PER3: variants seen among roughly 807,000 people sequenced by gnomAD.
The protein encoded by PER3 is period circadian regulator 3.
In PER3, 107 loss-of-function variants were observed where a neutral mutation model predicts 127.2. The observed-to-expected ratio is 0.84, with a 90% CI of 0.72 to 0.99. PER3 has a LOEUF of 0.99. PER3 is among the 50% of genes least tolerant of loss of function. PER3 has a pLI of 0.00. For synonymous variants in PER3, 618 were observed against 585.8 expected (o/e 1.05, Z -0.79); for missense variants, 1,560 against 1,525.8 (o/e 1.02, Z -0.37).
At chr1:7,795,716 G>A (rs1158774677) in intron 6 of PER3, among the ~76,000 whole-genome samples, 4 of 152,222 alleles carry the variant, frequency 2.6e-5, no homozygotes, top group African/African-American at 4.8e-5. Context: ...ACTTCTGCAC[G>A]AAGTGTTTTA....
At chr1:7,806,812 A>ATATATATATATATATAT (rs1553309916) in intron 10 of PER3, among the ~76,000 whole-genome samples, 2 of 60,630 alleles carry the variant, frequency 3.3e-5, no homozygotes, top group African/African-American at 6.8e-5. Context: ...AAAAAAAAAA[A>ATATATATATATATATAT]ATATATATAT....
chr1:7,806,795 TAAAAAA>T (rs71567316), intron 10 of PER3, among the ~76,000 whole-genome samples: 2 of 91,904 alleles, frequency 2.2e-5, no homozygotes, highest in African/African-American at 8.9e-5. Flanking sequence ...CCCTGTCTCT[TAAAAAA>T]AAAAAAAAAA....
rs753152231 is a variant in PER3 at position 7,843,910 on chromosome 1, A to AT, written c.*1157dup. On this transcript the variant is annotated 3_prime_UTR_variant, in exon 22 of 22. Transcript: ENST00000377532. ...CTGGTGCTTTTTAGAGAAGTCCCTG[A>AT]TTCCTTCTTAAACTTGGAATGATAG... 1.8e-5 allele frequency: 23 copies of AT among 1,276,174 alleles called. No homozygotes were observed. In the African/African-American group the frequency reaches 3.3e-4, roughly 18 times the overall value. The allele number at this position is 1,276,174 out of a possible 1,614,324, so 79.1% of individuals were successfully genotyped here.
intron 10 of PER3, among the ~76,000 whole-genome samples, chr1:7,805,017 C>T (rs1017907854): frequency 6.6e-6 from 1 of 151,918 alleles, no homozygotes; most frequent in Non-Finnish European, 1.5e-5. Flanking sequence ...TACAGGTGCA[C>T]GCCACCACAC....
At chr1:7,794,317 A>C (rs1263148524) in intron 6 of PER3, among the ~76,000 whole-genome samples, 5 of 152,070 alleles carry the variant, frequency 3.3e-5, no homozygotes, top group Non-Finnish European at 7.4e-5. Context: ...ACATGGTGAA[A>C]CGGCGTTTCT....
intron 13 of PER3, among the ~76,000 whole-genome samples, chr1:7,814,961 A>G (rs2097240499): frequency 6.6e-6 from 1 of 152,176 alleles, no homozygotes; most frequent in South Asian, 2.1e-4. Flanking sequence ...GAGGAGGTAA[A>G]ATGGAATTTA....
rs916787821 is a variant in PER3, at chr1:7,800,538, A to AT, written c.794-574dup. Reference sequence around the variant, plus strand: ...AGCAAGCATTAGAATAGAACTGACCATACCAATTTTATTACACAAAGAATA... The same window carrying AT: ...AGCAAGCATTAGAATAGAACTGACCATTACCAATTTTATTACACAAAGAATA... On this transcript the variant is annotated intron_variant, in intron 7 of 21. Transcript: ENST00000377532. Among the ~76,000 whole-genome samples the AT allele has an allele frequency of 5.9e-5, 9 of 152,262 alleles. 1 individual carries two copies. Among genetic ancestry groups the AT allele is most frequent in the African/African-American group, 2.2e-4 (9 of 41,550 alleles).
Position 7,820,124 on chromosome 1 carries a change from G to C in PER3, c.1668G>C (p.Lys556Asn). 6.2e-7 allele frequency: 1 copy of C among 1,613,558 alleles called. No homozygotes were observed. The highest frequency in any genetic ancestry group is 8.5e-7 in the Non-Finnish European group (1 of 1,179,682). The change falls in exon 15 of 22, where the codon AAG becomes AAC. Residue 556 changes from lysine to asparagine, a missense_variant. Lys to Asn is a moderately conservative substitution (Grantham distance 94, BLOSUM62 0). This residue lies in a region of PER3 where 1,332 missense variants were observed against 1,223.6 expected (regional missense o/e 1.09). Transcript: ENST00000377532. ...AATTATGTTGTTACAGATACCTGAA[G>C]AGCTACAACATTCCAGCTTTGAAAA... ...NCIDSVIRYL[K>N]SYNIPALKRK...
At chr1:7,806,581 A>G (rs2097193582) in intron 10 of PER3, among the ~76,000 whole-genome samples, 2 of 151,768 alleles carry the variant, frequency 1.3e-5, no homozygotes, top group Admixed American at 1.3e-4. Flanking sequence ...TGAGGCCAGG[A>G]GTTCAAGACT....
chr1:7,832,190 C>T (rs1033238097), intron 19 of PER3, among the ~76,000 whole-genome samples: 4 of 151,678 alleles, frequency 2.6e-5, no homozygotes, highest in African/African-American at 9.7e-5. Context: ...TTCCCTTTTC[C>T]TTTTAATGTC....
chr1:7,842,768 A>G lies in PER3; in HGVS notation c.*13A>G. 1 of 1,610,008 alleles carries G rather than the reference A, an allele frequency of 6.2e-7. No individual in the cohort carries two copies. ...AGACAGCTGTTGAGTGACTGTGAGG[A>G]TGAACCTTCATACCCTTTCCAAGAC... On this transcript the variant is annotated 3_prime_UTR_variant, in exon 22 of 22. Transcript: ENST00000377532.
chr1:7,801,554 T>C (rs1169614577), intron 8 of PER3, among the ~76,000 whole-genome samples: 1 of 152,330 alleles, frequency 6.6e-6, no homozygotes, highest in Non-Finnish European at 1.5e-5. Flanking sequence ...TATTCTGGTG[T>C]TATTTACACT....
rs1268890957 is a variant in PER3, at chr1:7,827,374, G to A, written c.2445G>A (p.Ala815=). The part of the protein sequence containing the change: ...YLVPAFPLPA[A]TSPGREYAAP... ...TCCCAGCTTTTCCCCTCCCAGCCGCGACCTCACCCGGAAGAGAATACGCAG... is the reference window on the plus strand; with the variant it reads ...TCCCAGCTTTTCCCCTCCCAGCCGCAACCTCACCCGGAAGAGAATACGCAG... The change falls in exon 18 of 22, where the codon GCG becomes GCA. Residue 815 remains alanine (A), a synonymous_variant. Transcript: ENST00000377532. The A allele has an allele frequency of 5.6e-6, 9 of 1,613,948 alleles. No homozygotes were observed. In the East Asian group the frequency reaches 8.9e-5, roughly 16 times the overall value.
At chr1:7,793,502 CAAAG>C (rs779908534) in intron 5 of PER3, among the ~76,000 whole-genome samples, 7 of 151,978 alleles carry the variant, frequency 4.6e-5, no homozygotes, top group South Asian at 2.1e-4. Flanking sequence ...GAAATTTATC[CAAAG>C]AAAGAGCTTA....
rs895846969 is a variant in PER3, at chr1:7,844,465, C to T, written c.*1710C>T. 1.3e-5 allele frequency: 2 copies of T among 152,496 alleles called. No individual in the cohort carries two copies. The highest frequency in any genetic ancestry group is 4.8e-5 in the African/African-American group (2 of 41,444). The allele number at this position is 152,496 out of a possible 1,614,324, so 9.4% of individuals were successfully genotyped here. On this transcript the variant is annotated 3_prime_UTR_variant, in exon 22 of 22. Transcript: ENST00000377532. ...CAGCCAGTAGATTGTCTGTCAGTGA[C>T]CTTCTGTAGTAATAAAGTTTTTGCC...
rs2097083242 is a variant in PER3, at chr1:7,785,508, T to G, written c.196T>G (p.Phe66Val). The G allele has an allele frequency of 6.2e-7, 1 of 1,611,224 alleles. No homozygotes were observed. ...GGTTGTCCAAGAAATGAAAAAATAC[T>G]TCCCCTCGGAGAGACGCAATAAACC... ...IMVVQEMKKYFPSERRNKPST... is the reference protein window; with the variant it reads ...IMVVQEMKKYVPSERRNKPST... The change falls in exon 3 of 22, where the codon TTC (phenylalanine) becomes GTC (valine). Residue 66 changes from phenylalanine (F) to valine (V), a missense_variant. By Grantham distance (50) the Phe-to-Val change is conservative. Transcript: ENST00000377532.
At position 7,842,868 on chromosome 1, in the gene PER3, TTTC is replaced by T. The variant is rs1284108350; in HGVS notation, c.*119_*121del. 3.7e-6 allele frequency: 3 copies of T among 817,984 alleles called. No homozygotes were observed. The highest frequency in any genetic ancestry group is 5.5e-6 in the Non-Finnish European group (3 of 548,806). 50.7% of individuals were successfully genotyped at this position (817,984 alleles called of 1,614,324 possible). ...AAGTTATCATTGAATGTTAAGATTT[TTTC>T]TTCTTGATTTTTTAATACACGTAAT... On this transcript the variant is annotated 3_prime_UTR_variant, in exon 22 of 22. Transcript: ENST00000377532.
chr1:7,788,079 G>A lies in PER3; in HGVS notation c.425G>A (p.Gly142Glu). 1 of 1,613,592 alleles carries A rather than the reference G, an allele frequency of 6.2e-7. No individual in the cohort carries two copies. Among genetic ancestry groups the A allele is most frequent in the Non-Finnish European group, 8.5e-7 (1 of 1,179,584 alleles). The change falls in exon 5 of 22, where the codon GGA becomes GAA. Residue 142 changes from glycine to glutamate, a missense_variant. This residue lies in a region of PER3 where 1,332 missense variants were observed against 1,223.6 expected (regional missense o/e 1.09). Transcript: ENST00000377532. Reference protein sequence around the residue: ...TFVAVFSFLSGRLVHISEQAA... With the variant: ...TFVAVFSFLSERLVHISEQAA... Reference sequence around the variant, plus strand: ...GTGGCAGTATTTTCATTTCTGTCTGGAAGGTTAGTGCACATTTCTGAACAG... The same window carrying A: ...GTGGCAGTATTTTCATTTCTGTCTGAAAGGTTAGTGCACATTTCTGAACAG...
At chr1:7,804,408 T>TTG (rs1553308869) in intron 10 of PER3, among the ~76,000 whole-genome samples, 1 of 151,260 alleles carries the variant, frequency 6.6e-6, no homozygotes, top group Non-Finnish European at 1.5e-5. Context: ...CTTTTTTTTT[T>TTG]TTTTTCTTTG....
Sources: gnomAD v4.1 joint callset for allele counts (sites outside exome capture counted in the v4.1 genomes callset) on GRCh38, gnomAD v4.1.1 for gene constraint, gnomAD v4.1.1 regional missense constraint, MANE v1.5 for transcripts, NCBI Gene and HGNC (gene_info 2026-07-23, HGNC 2026-07-21) for gene names.